Variants in CA1 observed in about 807,000 individuals in gnomAD.
CA1 encodes the protein carbonate dehydratase I.
Under a neutral mutation model 28.8 loss-of-function variants are expected in CA1, and 27 were observed. The observed-to-expected ratio is 0.94, with a 90% confidence interval of 0.69 to 1.29. CA1 has a LOEUF of 1.29. CA1 is among the 50% of genes most tolerant of loss of function. The pLI is 0.00. For missense variants in CA1, 335 were observed against 310.5 expected, an observed-to-expected ratio of 1.08 and a Z score of -0.59; for synonymous variants, 121 against 108.8, an observed-to-expected ratio of 1.11 and a Z score of -0.70.
chr8:85,368,456 C>G (rs1216744509), intron 1 of CA1, among the ~76,000 whole-genome samples: 2 of 152,036 alleles, frequency 1.3e-5, no homozygotes, highest in Non-Finnish European at 2.9e-5. Context: ...GTGTGAGCCA[C>G]CACACCTGGC....
intron 1 of CA1, among the ~76,000 whole-genome samples, chr8:85,375,868 C>T (rs1365676963): frequency 6.6e-6 from 1 of 152,132 alleles, no homozygotes; most frequent in Non-Finnish European, 1.5e-5. Flanking sequence ...TAGTGTTAAT[C>T]ACGTAGGGAA....
chr8:85,346,649 C>G (rs1300501719), intron 1 of CA1, among the ~76,000 whole-genome samples: 1 of 152,056 alleles, frequency 6.6e-6, no homozygotes, highest in Non-Finnish European at 1.5e-5. Flanking sequence ...GTAATCCTAG[C>G]TACTCGGGAG....
intron 6 of CA1, among the ~76,000 whole-genome samples, chr8:85,330,541 C>T (rs1464402375): frequency 6.6e-6 from 1 of 152,106 alleles, no homozygotes; most frequent in East Asian, 1.9e-4. Context: ...TTGTCCCTGA[C>T]TGAAATGTAA....
rs774130288 is a variant in CA1, at chr8:85,328,506, A to G, written c.*54T>C. 1.5e-4 allele frequency: 135 copies of G among 922,810 alleles called. 1 individual carries two copies. Among genetic ancestry groups the G allele is most frequent in the Middle Eastern group, 4.3e-4 (2 of 4,686 alleles). 57.2% of individuals were successfully genotyped at this position (922,810 alleles called of 1,614,324 possible). On this transcript the variant is annotated 3_prime_UTR_variant, in exon 8 of 8. Transcript: ENST00000523022. ...TTAAAAATTATTATTTTACTGGATT[A>G]TGTCAGAAGCAGGGCTGTGTTCTTG...
chr8:85,332,914 G>GT (rs377345470), intron 5 of CA1, among the ~76,000 whole-genome samples: 1 of 152,094 alleles, frequency 6.6e-6, no homozygotes, highest in Non-Finnish European at 1.5e-5. Context: ...TTGGCATATT[G>GT]TAAGTGCTCA....
chr8:85,373,180 A>G (rs1280933209), intron 1 of CA1, among the ~76,000 whole-genome samples: 1 of 152,240 alleles, frequency 6.6e-6, no homozygotes, highest in Non-Finnish European at 1.5e-5. Context: ...TTACAGCTAC[A>G]GTGCAAGATG....
At chr8:85,333,828 C>T (rs372644518) in intron 4 of CA1, among the ~76,000 whole-genome samples, 26 of 152,162 alleles carry the variant, frequency 1.7e-4, no homozygotes, top group South Asian at 6.2e-4. Context: ...AAACCTGGAA[C>T]CAGTAAGCAA....
intron 1 of CA1, among the ~76,000 whole-genome samples, chr8:85,368,545 T>C (rs1245529644): frequency 1.3e-5 from 2 of 151,994 alleles, no homozygotes; most frequent in East Asian, 1.9e-4. Flanking sequence ...GTTTTTTTTT[T>C]CACATTTTCT....
At chr8:85,338,665 TTTCTTTCTTTCTTTCTTTCC>T (rs530590636) in intron 2 of CA1, among the ~76,000 whole-genome samples, 1 of 109,026 alleles carries the variant, frequency 9.2e-6, no homozygotes, top group East Asian at 2.3e-4. Context: ...TCTTTCTTTC[TTTCTTTCTTTCTTTCTTTCC>T]TTCTTTCTCT....
chr8:85,328,608 G>T lies in CA1; in HGVS notation c.738C>A (p.Asn246Lys), dbSNP rs756681346. 1 of 1,612,114 alleles carries T rather than the reference G, an allele frequency of 6.2e-7. No homozygotes were observed. The highest frequency in any genetic ancestry group is 1.1e-5 in the South Asian group (1 of 90,900). Residue 246 changes from asparagine (N) to lysine (K), a missense_variant, in exon 8 of 8, where the codon AAC (asparagine) becomes AAA (lysine). Transcript: ENST00000523022. ...GDNAVPMQHNNRPTQPLKGRT... is the reference protein window; with the variant it reads ...GDNAVPMQHNKRPTQPLKGRT... ...TGCCCTTCAGAGGTTGGGTTGGGCG[G>T]TTGTTGTGCTGCATGGGGACAGCGT...
In CA1 at chr8:85,335,989, G is replaced by T. The variant is rs747765984; in HGVS notation, c.354+956C>A. ...CATAATTACTTTCACTAGTGCACAA[G>T]ATATATGTACAGATATATTCACTGA... On this transcript the variant is annotated intron_variant, in intron 4 of 7. Coordinates refer to ENST00000523022, the MANE Select transcript of CA1 (RefSeq NM_001128831.4). Among the ~76,000 whole-genome samples, 3 of 152,224 alleles carry T rather than the reference G, an allele frequency of 2.0e-5. No homozygotes were observed. The South Asian group carries it at 6.2e-4, about 32-fold the overall frequency.
chr8:85,330,755 T>A (rs1808364202), intron 6 of CA1, among the ~76,000 whole-genome samples: 2 of 152,200 alleles, frequency 1.3e-5, no homozygotes, highest in African/African-American at 4.8e-5. Context: ...ATATAATGAA[T>A]TAATTTAAGA....
chr8:85,329,538 A>G, intron 7 of CA1, 151 bp downstream of exon 7: 5 of 776,884 alleles, frequency 6.4e-6, no homozygotes, highest in Non-Finnish European at 1.1e-5. Context: ...TAGTTTAATA[A>G]ACCTATGTCC....
chr8:85,338,632 T>C (rs912809112), intron 2 of CA1, among the ~76,000 whole-genome samples, 183 bp from the exon 3 acceptor site: 2 of 131,574 alleles, frequency 1.5e-5, no homozygotes, highest in African/African-American at 5.9e-5. Flanking sequence ...CTTTCCTTCT[T>C]TTTCTTTCTT....
chr8:85,364,522 T>A (rs528334826), intron 1 of CA1, among the ~76,000 whole-genome samples: 1 of 152,346 alleles, frequency 6.6e-6, no homozygotes, highest in African/African-American at 2.4e-5. Flanking sequence ...TTGGAATGAA[T>A]AAGCAAGTGA....
intron 3 of CA1, chr8:85,337,964 A>C (rs754302779): frequency 1.9e-5 from 10 of 518,124 alleles, no homozygotes; most frequent in Non-Finnish European, 3.2e-5. Flanking sequence ...TTCTGGATAA[A>C]TGCTGTTTAT....
chr8:85,375,326 G>C (rs931308394), intron 1 of CA1, among the ~76,000 whole-genome samples: 1 of 152,140 alleles, frequency 6.6e-6, no homozygotes, highest in Non-Finnish European at 1.5e-5. Context: ...GAAGGCTTCG[G>C]AGGGAAGAAC....
At position 85,328,664 on chromosome 8, in the gene CA1, G is replaced by A. The variant is rs769195145; in HGVS notation, c.682C>T (p.Arg228Cys). The A allele has an allele frequency of 2.7e-5, 43 of 1,602,508 alleles. No homozygotes were observed. The highest frequency in any genetic ancestry group is 5.0e-5 in the Admixed American group (3 of 59,844). ...CCTTCAACATTTGATAGAAGGCTGC[G>A]GAATTGTGCCAGCTAGAAGGATAAA... ...SVSSEQLAQF[R>C]SLLSNVEGDN... Residue 228 changes from arginine (R) to cysteine (C), a missense_variant, in exon 8 of 8, where the codon CGC becomes TGC. Arg to Cys is a radical substitution (Grantham distance 180, BLOSUM62 -3). Transcript: ENST00000523022.
intron 1 of CA1, among the ~76,000 whole-genome samples, chr8:85,370,531 G>A (rs1416807551): frequency 1.3e-5 from 2 of 152,052 alleles, no homozygotes; most frequent in South Asian, 2.1e-4. Context: ...TGATTTTATT[G>A]TAGTTAGAGA....
Sources: gnomAD v4.1 joint callset for allele counts (sites outside exome capture counted in the v4.1 genomes callset) on GRCh38, gnomAD v4.1.1 for gene constraint, MANE v1.5 for transcripts, NCBI Gene and HGNC (gene_info 2026-07-23, HGNC 2026-07-21) for gene names.